Variants in RBFOX1 observed in about 807,000 individuals in gnomAD.
RBFOX1 encodes RNA binding protein fox-1 homolog 1.
In RBFOX1, 8 loss-of-function variants were observed where a neutral mutation model predicts 57.7. The observed-to-expected ratio is 0.14, with a 90% CI of 0.08 to 0.25. The LOEUF is 0.25. Among genes scored for constraint, RBFOX1 ranks in the 10% least tolerant of loss-of-function variants. The pLI, the probability that RBFOX1 is intolerant of heterozygous loss-of-function variation, is 1.00. For synonymous variants in RBFOX1, 326 were observed against 222.4 expected (o/e 1.47, Z -4.15); for missense variants, 611 against 548.5 (o/e 1.11, Z -1.14).
At chr16:6,288,692 C>T (rs1314088823) in intron 1 of RBFOX1, among the ~76,000 whole-genome samples, 1 of 151,998 alleles carries the variant, frequency 6.6e-6, no homozygotes, top group Admixed American at 6.6e-5. Context: ...TGTTAATGTC[C>T]CTGTATGTTG....
At chr16:5,944,175 C>G (rs1249135996) in intron 4 of RBFOX1, among the ~76,000 whole-genome samples, 1 of 152,168 alleles carries the variant, frequency 6.6e-6, no homozygotes, top group African/African-American at 2.4e-5. Flanking sequence ...ATCTAATGAC[C>G]TCAACGATGT....
chr16:6,737,599 C>G (rs2070765441), intron 3 of RBFOX1, among the ~76,000 whole-genome samples: 1 of 152,122 alleles, frequency 6.6e-6, no homozygotes, highest in Non-Finnish European at 1.5e-5. Flanking sequence ...TCGCCCGAGG[C>G]TCATTTGATG....
At chr16:7,464,960 G>A (rs2060239870) in intron 4 of RBFOX1, among the ~76,000 whole-genome samples, 1 of 151,802 alleles carries the variant, frequency 6.6e-6, no homozygotes, top group South Asian at 2.1e-4. Flanking sequence ...GCCTCCCAAA[G>A]TGCTGCGATT....
chr16:7,567,975 C>T (rs1031132196), intron 5 of RBFOX1, among the ~76,000 whole-genome samples: 9 of 151,098 alleles, frequency 6.0e-5, no homozygotes, highest in African/African-American at 2.2e-4. Flanking sequence ...CAAGAAAAAA[C>T]ATTAAAATGC....
At chr16:6,701,845 T>A (rs187798506) in intron 3 of RBFOX1, among the ~76,000 whole-genome samples, 2 of 152,080 alleles carry the variant, frequency 1.3e-5, no homozygotes, top group South Asian at 2.1e-4. Flanking sequence ...CAAACTAACA[T>A]AGGAACAGAA....
At chr16:6,625,193 T>A (rs1283907372) in intron 2 of RBFOX1, among the ~76,000 whole-genome samples, 2 of 142,726 alleles carry the variant, frequency 1.4e-5, no homozygotes, top group African/African-American at 5.1e-5. Flanking sequence ...AAAGGTATTC[T>A]GGTGGATAGT....
At chr16:7,285,792 A>G (rs1326129874) in intron 4 of RBFOX1, among the ~76,000 whole-genome samples, 1 of 152,340 alleles carries the variant, frequency 6.6e-6, no homozygotes, top group East Asian at 1.9e-4. Flanking sequence ...ATTGATGGAC[A>G]TCTGGACTAA....
chr16:5,354,445 C>T (rs1466378987), intron 1 of RBFOX1, among the ~76,000 whole-genome samples: 2 of 152,194 alleles, frequency 1.3e-5, no homozygotes, highest in African/African-American at 2.4e-5. Flanking sequence ...TCTTGCCAAG[C>T]CCCGGTTTTC....
intron 1 of RBFOX1, among the ~76,000 whole-genome samples, chr16:6,240,948 C>G (rs191175224): frequency 6.6e-6 from 1 of 152,146 alleles, no homozygotes; most frequent in Non-Finnish European, 1.5e-5. Context: ...GTGTTTCTAC[C>G]GACTCACCCT....
intron 1 of RBFOX1, among the ~76,000 whole-genome samples, chr16:6,133,763 C>T (rs1056506904): frequency 1.3e-5 from 2 of 152,078 alleles, no homozygotes; most frequent in African/African-American, 4.8e-5. Context: ...CTGAAACACA[C>T]CCTGGTCTAT....
intron 1 of RBFOX1, among the ~76,000 whole-genome samples, chr16:6,204,835 C>T (rs1051382035): frequency 2.6e-5 from 4 of 151,948 alleles, no homozygotes; most frequent in South Asian, 4.2e-4. Context: ...CTCATAAACC[C>T]GTAGCTTTCT....
At chr16:7,158,845 G>C (rs1403613604) in intron 4 of RBFOX1, among the ~76,000 whole-genome samples, 1 of 151,936 alleles carries the variant, frequency 6.6e-6, no homozygotes, top group Non-Finnish European at 1.5e-5. Flanking sequence ...TGTATGGTAT[G>C]TGTGTGTGCA....
chr16:7,293,171 A>G (rs2095827050), intron 4 of RBFOX1, among the ~76,000 whole-genome samples: 1 of 152,190 alleles, frequency 6.6e-6, no homozygotes, highest in South Asian at 2.1e-4. Flanking sequence ...AATATTCAGA[A>G]AGAAATTGTG....
In RBFOX1 at chr16:7,292,302, G is replaced by T. The variant is rs1024476523; in HGVS notation, c.28-225845G>T. On this transcript the variant is annotated intron_variant, in intron 4 of 15. Transcript: ENST00000550418. ...ATATCATATATCATATATGATATAT[G>T]ATATATGACGTATTATATATCATAT... 8.4e-5 allele frequency among the ~76,000 whole-genome samples: 10 copies of T among 118,930 alleles called. No individual in the cohort carries two copies. The East Asian group carries it at 2.4e-3, about 28-fold the overall frequency. 78.0% of individuals were successfully genotyped at this position (118,930 alleles called of 152,430 possible). A position where few individuals can be genotyped will look rare whatever the true frequency, so the allele number is the denominator to read the frequency against.
intron 3 of RBFOX1, chr16:6,705,100 C>T (rs1289337981): frequency 1.3e-5 from 2 of 152,240 alleles, no homozygotes; most frequent in Non-Finnish European, 2.9e-5. Context: ...CACCAGGACC[C>T]TGTGGTCCTA....
At chr16:6,083,800 C>T (rs1481425587) in intron 1 of RBFOX1, among the ~76,000 whole-genome samples, 1 of 152,036 alleles carries the variant, frequency 6.6e-6, no homozygotes, top group Non-Finnish European at 1.5e-5. Flanking sequence ...CTCAATCCCT[C>T]AACTCCAATA....
At chr16:7,148,293 G>T (rs550366510) in intron 4 of RBFOX1, among the ~76,000 whole-genome samples, 3 of 152,256 alleles carry the variant, frequency 2.0e-5, no homozygotes, top group African/African-American at 7.2e-5. Flanking sequence ...ATTTACAAAG[G>T]AGTTTTCCTT....
Position 6,824,523 on chromosome 16 carries a change from A to G in RBFOX1, c.-16+169873A>G, listed in dbSNP as rs114445161. Among the ~76,000 whole-genome samples, 695 of 152,286 alleles carry G rather than the reference A, an allele frequency of 4.6e-3. 4 individuals carry two copies. The highest frequency in any genetic ancestry group is 0.015 in the African/African-American group (615 of 41,532). ...TCTATATTTCATTTTTTAAAAATTA[A>G]CATGTTGAGTATATCTCCTATTTTT... On this transcript the variant is annotated intron_variant, in intron 3 of 15. Transcript: ENST00000550418.
At chr16:7,534,005 C>G (rs912613450) in intron 5 of RBFOX1, among the ~76,000 whole-genome samples, 1 of 151,862 alleles carries the variant, frequency 6.6e-6, no homozygotes, top group African/African-American at 2.4e-5. Context: ...GTAAATTGTT[C>G]CAAATAGTGG....
Sources: gnomAD v4.1 joint callset for allele counts (sites outside exome capture counted in the v4.1 genomes callset) on GRCh38, gnomAD v4.1.1 for gene constraint, MANE v1.5 for transcripts, NCBI Gene and HGNC (gene_info 2026-07-23, HGNC 2026-07-21) for gene names.